PCDH7: variants seen among roughly 807,000 people sequenced by gnomAD.
The protein encoded by PCDH7 is protocadherin-7.
In PCDH7, 17 loss-of-function variants were observed where a neutral mutation model predicts 58.9. The ratio of observed to expected loss-of-function variants is 0.29; its 90% CI spans 0.20 to 0.43. The LOEUF (loss-of-function observed/expected upper bound fraction) is 0.43, where lower values mean the gene tolerates loss of function less well. PCDH7 is among the 20% of genes least tolerant of loss of function. The pLI is 1.00. For missense variants in PCDH7, 1,274 were observed against 1,441.0 expected, an observed-to-expected ratio of 0.88 and a Z score of 1.88; for synonymous variants, 664 against 616.4, an observed-to-expected ratio of 1.08 and a Z score of -1.14.
chr4:30,745,052 G>A (rs181268325), intron 1 of PCDH7, among the ~76,000 whole-genome samples: 213 of 152,196 alleles, frequency 1.4e-3, no homozygotes, highest in African/African-American at 5.1e-3. Flanking sequence ...TGAAAATAGA[G>A]GGACAGATGC....
At chr4:30,750,538 T>A (rs1256334449) in intron 1 of PCDH7, among the ~76,000 whole-genome samples, 1 of 152,182 alleles carries the variant, frequency 6.6e-6, no homozygotes, top group East Asian at 1.9e-4. Flanking sequence ...GCGAGGTTCA[T>A]CTATACGCAG....
At chr4:30,838,245 A>G (rs1175823504) in intron 1 of PCDH7, among the ~76,000 whole-genome samples, 2 of 152,168 alleles carry the variant, frequency 1.3e-5, no homozygotes, top group Admixed American at 6.6e-5. Context: ...AATGAAAAAT[A>G]AAACATTTTT....
At chr4:31,131,782 A>C (rs1046494418) in intron 3 of PCDH7, among the ~76,000 whole-genome samples, 5 of 152,220 alleles carry the variant, frequency 3.3e-5, no homozygotes, top group Non-Finnish European at 7.4e-5. Flanking sequence ...TATGATTTGA[A>C]TATATTATCT....
At chr4:31,108,322 T>C (rs1715835817) in intron 3 of PCDH7, among the ~76,000 whole-genome samples, 1 of 126,102 alleles carries the variant, frequency 7.9e-6, no homozygotes, top group African/African-American at 2.8e-5. Context: ...TGACATATTC[T>C]AAAAATAGAG....
chr4:31,114,632 A>AACATACAC (rs1553854104), intron 3 of PCDH7, among the ~76,000 whole-genome samples: 8 of 143,580 alleles, frequency 5.6e-5, no homozygotes, highest in African/African-American at 1.8e-4. Context: ...CACACATACA[A>AACATACAC]ACACACACAC....
chr4:30,985,513 G>GCAGT (rs1410662374), intron 3 of PCDH7, among the ~76,000 whole-genome samples: 1 of 152,048 alleles, frequency 6.6e-6, no homozygotes, highest in Non-Finnish European at 1.5e-5. Flanking sequence ...TGGTGACTAT[G>GCAGT]CAGTCAACTT....
exon 2 of PCDH7, chr4:30,730,810 C>T: frequency 6.2e-7 from 1 of 1,603,068 alleles, no homozygotes; most frequent in Non-Finnish European, 8.5e-7. Context: ...ATATGATGCT[C>T]CATTATGCAC....
Position 31,075,166 on chromosome 4 carries a change from T to C in PCDH7, c.*8-67307T>C, listed in dbSNP as rs187488120. ...GTTGCCTTCAGAAAGCCTCTTTTTT[T>C]GTTCTTGTTGCCTTATTTTGATTTA... On this transcript the variant is annotated intron_variant, in intron 3 of 3. Transcript: ENST00000509759. Among the ~76,000 whole-genome samples, 61 of 152,288 alleles carry C rather than the reference T, an allele frequency of 4.0e-4. 1 individual carries two copies. The East Asian group carries it at 0.011, about 28-fold the overall frequency.
chr4:31,067,609 G>GTGTT (rs942746583), intron 3 of PCDH7, among the ~76,000 whole-genome samples: 4 of 151,924 alleles, frequency 2.6e-5, no homozygotes, highest in African/African-American at 9.7e-5. Flanking sequence ...ACAAAATGAA[G>GTGTT]TGTTATCAAG....
At chr4:31,048,941 T>A (rs1333778857) in intron 3 of PCDH7, among the ~76,000 whole-genome samples, 1 of 152,112 alleles carries the variant, frequency 6.6e-6, no homozygotes, top group Non-Finnish European at 1.5e-5. Context: ...AATATGATGA[T>A]ATGTATAATT....
intron 3 of PCDH7, among the ~76,000 whole-genome samples, chr4:31,021,962 G>T (rs573186270): frequency 2.6e-5 from 4 of 152,276 alleles, no homozygotes; most frequent in Non-Finnish European, 4.4e-5. Flanking sequence ...AAATTATAAG[G>T]TGAATGTACC....
At chr4:30,878,974 A>C (rs565540333) in intron 1 of PCDH7, among the ~76,000 whole-genome samples, 1 of 152,282 alleles carries the variant, frequency 6.6e-6, no homozygotes, top group South Asian at 2.1e-4. Context: ...TCACCTAACT[A>C]ATATAGCTAG....
chr4:30,799,245 A>G (rs1395713536), intron 1 of PCDH7, among the ~76,000 whole-genome samples: 1 of 152,194 alleles, frequency 6.6e-6, no homozygotes, highest in Non-Finnish European at 1.5e-5. Flanking sequence ...TTAGAGCTGA[A>G]AGGGCCTATG....
intron 1 of PCDH7, among the ~76,000 whole-genome samples, chr4:30,825,210 C>T: frequency 6.6e-6 from 1 of 152,120 alleles, no homozygotes; most frequent in Admixed American, 6.6e-5. Context: ...ATTGTTGAGT[C>T]ATGCCTCAGC....
chr4:30,962,121 C>T (rs1748490312), intron 3 of PCDH7, among the ~76,000 whole-genome samples: 1 of 152,114 alleles, frequency 6.6e-6, no homozygotes, highest in Non-Finnish European at 1.5e-5. Context: ...TTATGAATGA[C>T]TTGAATTGCT....
intron 1 of PCDH7, among the ~76,000 whole-genome samples, chr4:30,919,468 G>A (rs1183011771): frequency 6.6e-6 from 1 of 151,996 alleles, no homozygotes; most frequent in Non-Finnish European, 1.5e-5. Flanking sequence ...TTTATTGAAC[G>A]AATCACAAAC....
In PCDH7 at chr4:31,109,609, A is replaced by G. The variant is rs886137456; in HGVS notation, c.*8-32864A>G. The stretch of plus-strand genomic sequence containing the variant: ...TTATTTATTTTATAATATACAGAGA[A>G]TGGGACTAATATATGCTCATTGTCG... On this transcript the variant is annotated intron_variant, in intron 3 of 3. Transcript: ENST00000509759. Among the ~76,000 whole-genome samples, 10 of 152,230 alleles carry G rather than the reference A, an allele frequency of 6.6e-5. 1 individual carries two copies. Among genetic ancestry groups the G allele is most frequent in the Non-Finnish European group, 1.3e-4 (9 of 68,042 alleles).
chr4:30,963,152 G>C (rs149017934), intron 3 of PCDH7, among the ~76,000 whole-genome samples: 3 of 152,138 alleles, frequency 2.0e-5, no homozygotes, highest in Non-Finnish European at 4.4e-5. Context: ...ATGTGATAAG[G>C]GCTGACTCAC....
chr4:31,124,312 A>G (rs1163901508), intron 3 of PCDH7, among the ~76,000 whole-genome samples: 1 of 152,224 alleles, frequency 6.6e-6, no homozygotes, highest in Non-Finnish European at 1.5e-5. Context: ...ACTTCTCAGA[A>G]CAACCCAATG....
Sources: gnomAD v4.1 joint callset for allele counts (sites outside exome capture counted in the v4.1 genomes callset) on GRCh38, gnomAD v4.1.1 for gene constraint, MANE v1.5 for transcripts, NCBI Gene and HGNC (gene_info 2026-07-23, HGNC 2026-07-21) for gene names.